SYK: variants seen among roughly 807,000 people sequenced by gnomAD.
The protein encoded by SYK is spleen associated tyrosine kinase.
A neutral mutation model predicts 77.8 loss-of-function variants in SYK; 16 were observed. The observed-to-expected ratio is 0.21, with a 90% CI of 0.14 to 0.31. The LOEUF (loss-of-function observed/expected upper bound fraction) is 0.31. SYK is among the 10% of genes least tolerant of loss of function. The probability of loss-of-function intolerance (pLI) is 1.00; values close to 1 mark genes in which losing one functional copy is unlikely to be tolerated. For missense variants in SYK, 529 were observed against 814.4 expected, an observed-to-expected ratio of 0.65 and a Z score of 4.26; for synonymous variants, 312 against 308.7, an observed-to-expected ratio of 1.01 and a Z score of -0.11.
intron 1 of SYK, among the ~76,000 whole-genome samples, chr9:90,829,670 C>T (rs1825808241): frequency 6.6e-6 from 1 of 152,232 alleles, no homozygotes; most frequent in Admixed American, 6.5e-5. Flanking sequence ...TTTTCTCTCA[C>T]ATGGTGCCTG....
rs1437521907 is a variant in SYK at position 90,898,499 on chromosome 9, G to A, written c.*2899G>A. On this transcript the variant is annotated 3_prime_UTR_variant, in exon 14 of 14. Coordinates refer to ENST00000375754, the MANE Select transcript of SYK (RefSeq NM_003177.7). ...ATTCATTTCAGAAGAGCTACATTGT[G>A]TCACTGGACATTTTTAAAAACTGTG... is the stretch of plus-strand genomic sequence containing the variant. The A allele has an allele frequency of 9.3e-6, 2 of 214,634 alleles. No homozygotes were observed. The highest frequency in any genetic ancestry group is 4.5e-5 in the African/African-American group (2 of 44,270). 13.3% of individuals were successfully genotyped at this position (214,634 alleles called of 1,614,324 possible). A position where few individuals can be genotyped will look rare whatever the true frequency, so the allele number is the denominator to read the frequency against.
chr9:90,822,843 C>G (rs1021813473), intron 1 of SYK, among the ~76,000 whole-genome samples: 4 of 152,202 alleles, frequency 2.6e-5, no homozygotes, highest in African/African-American at 9.7e-5. Context: ...AGCTAATCAT[C>G]TCTTTGAATA....
At chr9:90,837,689 A>G (rs1335231648) in intron 1 of SYK, among the ~76,000 whole-genome samples, 1 of 152,192 alleles carries the variant, frequency 6.6e-6, no homozygotes, top group East Asian at 1.9e-4. Context: ...AAGGAAAGGA[A>G]GGACCAGGTG....
At chr9:90,860,336 G>A (rs1028780915) in intron 3 of SYK, among the ~76,000 whole-genome samples, 3 of 152,202 alleles carry the variant, frequency 2.0e-5, no homozygotes, top group African/African-American at 7.2e-5. Flanking sequence ...ATAAGCCACT[G>A]ATATGTATAG....
At chr9:90,886,273 C>T (rs900267294) in intron 11 of SYK, among the ~76,000 whole-genome samples, 17 of 152,134 alleles carry the variant, frequency 1.1e-4, no homozygotes, top group Non-Finnish European at 1.3e-4. Context: ...CATCTTACCC[C>T]GGCTAGAATG....
At position 90,843,752 on chromosome 9, in the gene SYK, G is replaced by A. The variant is rs2118626087; in HGVS notation, c.-41-106G>A. ...CCAAAGAGGGAAGTGCCTTTGTTCA[G>A]AGATGGGAGGGTTTGTCTCCACTTT... is the stretch of plus-strand genomic sequence containing the variant. On this transcript the variant is annotated intron_variant, in intron 1 of 13. Coordinates refer to ENST00000375754, the MANE Select transcript of SYK (RefSeq NM_003177.7). 4.8e-6 allele frequency: 4 copies of A among 832,470 alleles called. No homozygotes were observed. In the East Asian group the frequency reaches 1.2e-4, roughly 26 times the overall value. 51.6% of individuals were successfully genotyped at this position (832,470 alleles called of 1,614,324 possible). A position where few individuals can be genotyped will look rare whatever the true frequency, so the allele number is the denominator to read the frequency against.
At chr9:90,843,452 G>A (rs1283356255) in intron 1 of SYK, among the ~76,000 whole-genome samples, 1 of 152,168 alleles carries the variant, frequency 6.6e-6, no homozygotes. Flanking sequence ...GGACTCAGGA[G>A]GAGCAGTTGG....
intron 3 of SYK, among the ~76,000 whole-genome samples, chr9:90,847,632 T>C (rs1473090512): frequency 6.6e-6 from 1 of 152,166 alleles, no homozygotes; most frequent in African/African-American, 2.4e-5. Flanking sequence ...AGGCAGGGTA[T>C]TAGTGAGAGG....
chr9:90,827,218 C>A (rs1005014514), intron 1 of SYK, among the ~76,000 whole-genome samples: 1 of 152,136 alleles, frequency 6.6e-6, no homozygotes, highest in Non-Finnish European at 1.5e-5. Context: ...AATGGCACAG[C>A]CCTGTCCACT....
At chr9:90,867,022 G>A in intron 6 of SYK, 109 bp from the exon 7 acceptor site, 2 of 1,164,410 alleles carry the variant, frequency 1.7e-6, no homozygotes, top group Non-Finnish European at 2.5e-6. Flanking sequence ...GGACAGGAGG[G>A]GGTTAGTGGT....
intron 8 of SYK, 22 bp from the exon 9 acceptor site, chr9:90,874,650 A>G (rs912369369): frequency 1.9e-6 from 3 of 1,599,060 alleles, no homozygotes; most frequent in Admixed American, 1.7e-5. Context: ...CCCAGGTCGT[A>G]TGTTTCTTGA....
chr9:90,822,999 C>T (rs1245387463), intron 1 of SYK, among the ~76,000 whole-genome samples: 1 of 152,234 alleles, frequency 6.6e-6, no homozygotes, highest in Non-Finnish European at 1.5e-5. Context: ...TAAAATACCC[C>T]TAGGCTTTCT....
At chr9:90,883,499 A>G (rs977619789) in intron 11 of SYK, among the ~76,000 whole-genome samples, 3 of 152,118 alleles carry the variant, frequency 2.0e-5, no homozygotes, top group Admixed American at 1.3e-4. Flanking sequence ...TGCATATCCC[A>G]CAGCTACCTG....
intron 1 of SYK, among the ~76,000 whole-genome samples, chr9:90,836,430 C>T (rs1826088539): frequency 6.6e-6 from 1 of 152,034 alleles, no homozygotes; most frequent in East Asian, 1.9e-4. Context: ...CACATAAATA[C>T]TTATATGCCA....
rs78769188 is a variant in SYK at position 90,843,004 on chromosome 9, C to T, written c.-41-854C>T. ...GCATTGGCCGCCTTTCTTTTTGCTT[C>T]TGAAATGTATTTATTTACTGCAAGC... On this transcript the variant is annotated intron_variant, in intron 1 of 13. Transcript: ENST00000375754. Among the ~76,000 whole-genome samples, 552 of 152,240 alleles carry T rather than the reference C, an allele frequency of 3.6e-3. 6 individuals carry two copies. Among genetic ancestry groups the T allele is most frequent in the African/African-American group, 0.012 (518 of 41,530 alleles).
chr9:90,849,567 A>T lies in SYK; in HGVS notation c.578+3973A>T, dbSNP rs561652877. On this transcript the variant is annotated intron_variant, in intron 3 of 13. Transcript: ENST00000375754. Reference sequence around the variant, plus strand: ...AATGGGGATTCTTGCACCTCTTTCTACCTCCTCTTAAATCATTACTGATGG... The same window carrying T: ...AATGGGGATTCTTGCACCTCTTTCTTCCTCCTCTTAAATCATTACTGATGG... Among the ~76,000 whole-genome samples the T allele has an allele frequency of 5.1e-4, 77 of 152,206 alleles. 2 individuals are homozygous for T. In the South Asian group the frequency reaches 0.014, roughly 27 times the overall value.
At chr9:90,852,100 A>G (rs1382566340) in intron 3 of SYK, among the ~76,000 whole-genome samples, 1 of 152,224 alleles carries the variant, frequency 6.6e-6, no homozygotes, top group African/African-American at 2.4e-5. Flanking sequence ...ATTTAATAAT[A>G]TATTTGTCTA....
intron 1 of SYK, among the ~76,000 whole-genome samples, chr9:90,829,797 CATTT>C: frequency 6.6e-6 from 1 of 152,148 alleles, no homozygotes; most frequent in Non-Finnish European, 1.5e-5. Context: ...ACACAGTTAA[CATTT>C]ATATTAACAT....
At chr9:90,861,659 C>T (rs139873912) in intron 3 of SYK, among the ~76,000 whole-genome samples, 4 of 137,952 alleles carry the variant, frequency 2.9e-5, no homozygotes, top group African/African-American at 5.4e-5. Flanking sequence ...GAGGAAGGCC[C>T]GGGGGATGGA....
Sources: gnomAD v4.1 joint callset for allele counts (sites outside exome capture counted in the v4.1 genomes callset) on GRCh38, gnomAD v4.1.1 for gene constraint, MANE v1.5 for transcripts, NCBI Gene and HGNC (gene_info 2026-07-23, HGNC 2026-07-21) for gene names.